Variants in DPH6 observed in about 807,000 individuals in gnomAD.
DPH6 encodes diphthine--ammonia ligase.
DPH6 carries 33 observed loss-of-function variants against 38.2 expected under a neutral mutation model. The ratio of observed to expected loss-of-function variants is 0.86; its 90% CI spans 0.65 to 1.15. The LOEUF (loss-of-function observed/expected upper bound fraction) is 1.15, where lower values mean the gene tolerates loss of function less well. DPH6 is among the 50% of genes most tolerant of loss of function. DPH6 has a pLI of 0.00. For missense variants in DPH6, 325 were observed against 320.0 expected, an observed-to-expected ratio of 1.02 and a Z score of -0.12; for synonymous variants, 108 against 103.0, an observed-to-expected ratio of 1.05 and a Z score of -0.30.
At chr15:35,444,353 G>A (rs1222938999) in intron 5 of DPH6, among the ~76,000 whole-genome samples, 1 of 152,064 alleles carries the variant, frequency 6.6e-6, no homozygotes. Flanking sequence ...GCATGAGAAA[G>A]ACAAATTCCC....
chr15:35,325,203 T>A (rs2052272324), intron 3 of DPH6, among the ~76,000 whole-genome samples: 1 of 151,986 alleles, frequency 6.6e-6, no homozygotes, highest in Non-Finnish European at 1.5e-5. Context: ...TCCAGCTGGT[T>A]TTTTTTTATT....
the DPH6 span, among the ~76,000 whole-genome samples, chr15:35,148,947 T>C: frequency 6.6e-6 from 1 of 152,184 alleles, no homozygotes; most frequent in African/African-American, 2.4e-5. Context: ...CATTAAAGAA[T>C]GTTTTGCTGA....
chr15:35,404,312 C>G (rs1296940348), intron 6 of DPH6, among the ~76,000 whole-genome samples: 6 of 152,220 alleles, frequency 3.9e-5, no homozygotes, highest in Non-Finnish European at 8.8e-5. Flanking sequence ...AAACACTTCT[C>G]CAGAGTAGTT....
At chr15:35,186,463 A>C in the DPH6 span, among the ~76,000 whole-genome samples, 2,212 of 152,226 alleles carry the variant, frequency 0.015, 38 homozygotes, top group African/African-American at 0.044. Flanking sequence ...CTCTTAACTC[A>C]TTTCCACATA....
intron 3 of DPH6, among the ~76,000 whole-genome samples, chr15:35,458,180 C>A (rs749472942): frequency 6.6e-6 from 1 of 151,944 alleles, no homozygotes; most frequent in Admixed American, 6.6e-5. Flanking sequence ...TTTTTATCTA[C>A]AGTGGGTTGA....
intron 3 of DPH6, chr15:35,299,391 C>A (rs2052038376): frequency 1.2e-6 from 1 of 845,270 alleles, no homozygotes; most frequent in African/African-American, 1.7e-5. Context: ...AGTTTTTGGA[C>A]CAGCCTTCTG....
intron 3 of DPH6, among the ~76,000 whole-genome samples, chr15:35,475,909 G>A (rs571437942): frequency 7.1e-4 from 108 of 151,806 alleles, no homozygotes; most frequent in African/African-American, 2.6e-3. Flanking sequence ...TATATAGCTG[G>A]AGAAAAGATA....
At chr15:35,157,779 T>C in the DPH6 span, among the ~76,000 whole-genome samples, 4 of 152,214 alleles carry the variant, frequency 2.6e-5, no homozygotes, top group South Asian at 6.2e-4. Context: ...TGTGAACAAA[T>C]TGGACAATGA....
At chr15:35,514,843 A>C (rs887188973) in intron 3 of DPH6, among the ~76,000 whole-genome samples, 1 of 152,214 alleles carries the variant, frequency 6.6e-6, no homozygotes, top group African/African-American at 2.4e-5. Flanking sequence ...AGCAATACTG[A>C]GCCTTCAAAA....
At chr15:35,479,870 A>G (rs2054306310) in intron 3 of DPH6, among the ~76,000 whole-genome samples, 1 of 152,142 alleles carries the variant, frequency 6.6e-6, no homozygotes, top group Non-Finnish European at 1.5e-5. Context: ...AACATTATCA[A>G]AAGCATTTCG....
At chr15:35,385,445 G>A (rs1200877546) in intron 6 of DPH6, among the ~76,000 whole-genome samples, 1 of 152,146 alleles carries the variant, frequency 6.6e-6, no homozygotes, top group African/African-American at 2.4e-5. Flanking sequence ...CCATAAAAAA[G>A]GATGATTTCA....
At position 35,486,221 on chromosome 15, in the gene DPH6, G is replaced by A. The variant is rs1029470141; in HGVS notation, c.313-31401C>T. Among the ~76,000 whole-genome samples, 9 of 152,052 alleles carry A rather than the reference G, an allele frequency of 5.9e-5. No homozygotes were observed. The East Asian group carries it at 7.8e-4, about 13-fold the overall frequency. ...AAAACCATCAGATCTCATGAGACTC[G>A]CTATCACAAGAACAGCATGGGGGAA... On this transcript the variant is annotated intron_variant, in intron 3 of 8. Transcript: ENST00000256538.
chr15:35,479,497 C>T (rs2054301461), intron 3 of DPH6, among the ~76,000 whole-genome samples: 1 of 152,080 alleles, frequency 6.6e-6, no homozygotes, highest in African/African-American at 2.4e-5. Flanking sequence ...TGATAAGAAT[C>T]CATCAAGCAC....
At chr15:35,251,859 G>C (rs1263633740) in intron 3 of DPH6, among the ~76,000 whole-genome samples, 2 of 152,208 alleles carry the variant, frequency 1.3e-5, no homozygotes, top group African/African-American at 4.8e-5. Context: ...ATAATAACAG[G>C]TCGGTGTGGT....
chr15:35,316,933 A>C (rs1392570953), intron 3 of DPH6, among the ~76,000 whole-genome samples: 1 of 152,174 alleles, frequency 6.6e-6, no homozygotes, highest in Non-Finnish European at 1.5e-5. Flanking sequence ...GCCAAAAGAG[A>C]ACTGTCTTTC....
chr15:35,507,457 T>C (rs576961289), intron 3 of DPH6, among the ~76,000 whole-genome samples: 1 of 152,076 alleles, frequency 6.6e-6, no homozygotes, highest in East Asian at 1.9e-4. Context: ...TAGTTGACTG[T>C]TGAAACCTCG....
chr15:35,406,341 A>G, intron 6 of DPH6, among the ~76,000 whole-genome samples: 1 of 152,052 alleles, frequency 6.6e-6, no homozygotes, highest in East Asian at 1.9e-4. Context: ...ATTTTCCCCC[A>G]AGGACAGATT....
rs922784245 is a variant in DPH6, at chr15:35,371,175, A to C, written c.*975T>G. ...AAGCAAAACTATGTACACAGTGAAAAGATCAGTTGCTAAGGGTTAAAGGAG... is the reference window on the plus strand; with the variant it reads ...AAGCAAAACTATGTACACAGTGAAACGATCAGTTGCTAAGGGTTAAAGGAG... On this transcript the variant is annotated 3_prime_UTR_variant, in exon 9 of 9. Transcript: ENST00000256538. 1 of 151,834 alleles carries C rather than the reference A, an allele frequency of 6.6e-6. No individual in the cohort carries two copies. Among genetic ancestry groups the C allele is most frequent in the Non-Finnish European group, 1.5e-5 (1 of 67,826 alleles). The allele number at this position is 151,834 out of a possible 1,614,324, so 9.4% of individuals were successfully genotyped here.
intron 6 of DPH6, among the ~76,000 whole-genome samples, chr15:35,410,560 T>A (rs1454574758): frequency 3.3e-5 from 5 of 151,796 alleles, no homozygotes; most frequent in African/African-American, 4.8e-5. Flanking sequence ...ACATTTTATA[T>A]AGAATACGGT....
Sources: allele counts gnomAD v4.1 joint callset (sites outside exome capture counted in the v4.1 genomes callset), GRCh38; gene constraint gnomAD v4.1.1; transcripts MANE v1.5; gene names NCBI Gene and HGNC (gene_info 2026-07-23, HGNC 2026-07-21).